Variants in PARD3 observed in about 807,000 individuals in gnomAD.
PARD3 encodes the protein partitioning defective 3 homolog.
A neutral mutation model predicts 155.4 loss-of-function variants in PARD3; 75 were observed. The observed-to-expected ratio is 0.48, with a 90% CI of 0.40 to 0.58. PARD3 has a LOEUF of 0.58. Ranked by LOEUF, PARD3 falls within the 20% of genes least tolerant of loss-of-function variation. The pLI is 0.00. For synonymous variants in PARD3, 576 were observed against 610.5 expected (o/e 0.94, Z 0.83); for missense variants, 1,642 against 1,721.7 (o/e 0.95, Z 0.82).
At chr10:34,729,069 C>T (rs1457038678) in intron 1 of PARD3, among the ~76,000 whole-genome samples, 1 of 152,170 alleles carries the variant, frequency 6.6e-6, no homozygotes, top group African/African-American at 2.4e-5. Context: ...ACCACACAGC[C>T]GAGGTGTGCA....
intron 1 of PARD3, among the ~76,000 whole-genome samples, chr10:34,705,618 ACAGT>A (rs1301263925): frequency 6.6e-6 from 1 of 152,210 alleles, no homozygotes; most frequent in East Asian, 1.9e-4. Context: ...GAGAAGACAG[ACAGT>A]CAGATGTCAT....
chr10:34,260,610 G>T (rs74722925), intron 22 of PARD3, among the ~76,000 whole-genome samples: 5,298 of 152,268 alleles, frequency 0.035, 290 homozygotes, highest in African/African-American at 0.12. Flanking sequence ...TTAGTAGACA[G>T]CCAAGGACAC....
rs562260052 is a variant in PARD3 at position 34,754,699 on chromosome 10, TG to T, written c.121-58281del. Reference sequence around the variant, plus strand: ...TCTGAACAAATTGGACAGGGTGAAATGAAACTATGCCAACCTCCAAAAACTA... The same window carrying T: ...TCTGAACAAATTGGACAGGGTGAAATAAACTATGCCAACCTCCAAAAACTA... On this transcript the variant is annotated intron_variant, in intron 1 of 24. Coordinates refer to ENST00000374788, the MANE Select transcript of PARD3 (RefSeq NM_001184785.2). 3.9e-4 allele frequency among the ~76,000 whole-genome samples: 59 copies of T among 152,314 alleles called. No homozygotes were observed. The East Asian group carries it at 9.1e-3, about 23-fold the overall frequency.
chr10:34,623,979 CA>C (rs767945506), intron 2 of PARD3, among the ~76,000 whole-genome samples: 14,846 of 120,264 alleles, frequency 0.12, 2,273 homozygotes, highest in African/African-American at 0.38. Flanking sequence ...GACTCCGTCT[CA>C]AAAAAAAAAA....
chr10:34,683,367 C>G (rs959703829), intron 2 of PARD3, among the ~76,000 whole-genome samples: 8 of 151,812 alleles, frequency 5.3e-5, no homozygotes, highest in African/African-American at 1.7e-4. Context: ...TATAACTACA[C>G]ATGTATCTCC....
At chr10:34,727,649 T>C (rs2094739050) in intron 1 of PARD3, among the ~76,000 whole-genome samples, 1 of 152,138 alleles carries the variant, frequency 6.6e-6, no homozygotes, top group South Asian at 2.1e-4. Flanking sequence ...TTGAAGCCTT[T>C]AAGGTTTTCT....
chr10:34,460,756 C>G (rs1439583683), intron 4 of PARD3, among the ~76,000 whole-genome samples: 2 of 152,018 alleles, frequency 1.3e-5, no homozygotes, highest in Non-Finnish European at 2.9e-5. Flanking sequence ...TGGCATGAAC[C>G]TGGGAGGCAG....
chr10:34,123,291 T>C (rs1363027265), intron 23 of PARD3, among the ~76,000 whole-genome samples: 4 of 140,890 alleles, frequency 2.8e-5, no homozygotes, highest in Non-Finnish European at 6.3e-5. Context: ...GTGAAAAATA[T>C]GTATTTTTTT....
intron 2 of PARD3, among the ~76,000 whole-genome samples, chr10:34,589,471 A>T (rs1384670788): frequency 6.6e-6 from 1 of 152,042 alleles, no homozygotes; most frequent in Admixed American, 6.6e-5. Flanking sequence ...ACAGACGCAC[A>T]CAGCAGGAGA....
At chr10:34,381,938 A>AAAAG (rs1254829819) in intron 9 of PARD3, among the ~76,000 whole-genome samples, 17 of 133,868 alleles carry the variant, frequency 1.3e-4, no homozygotes, top group African/African-American at 3.1e-4. Flanking sequence ...AAAAAAAAAA[A>AAAAG]AAAGAAAGAA....
rs78455559 is a variant in PARD3, at chr10:34,733,244, T to C, written c.121-36825A>G. 5.3e-3 allele frequency among the ~76,000 whole-genome samples: 810 copies of C among 152,330 alleles called. 8 individuals carry two copies. The highest frequency in any genetic ancestry group is 0.018 in the African/African-American group (730 of 41,574). On this transcript the variant is annotated intron_variant, in intron 1 of 24. Transcript: ENST00000374788. ...CATGACTAACCAAGTGAAGATTAAC[T>C]AGTCATTTCCTGATTACAAATGGAA...
At chr10:34,697,053 C>T (rs2094187732) in intron 1 of PARD3, among the ~76,000 whole-genome samples, 2 of 146,860 alleles carry the variant, frequency 1.4e-5, no homozygotes, top group South Asian at 4.2e-4. Context: ...CACACACACA[C>T]ACCCCCCTCA....
At chr10:34,250,077 A>G (rs906155658) in intron 22 of PARD3, among the ~76,000 whole-genome samples, 5 of 152,150 alleles carry the variant, frequency 3.3e-5, no homozygotes, top group Non-Finnish European at 7.3e-5. Flanking sequence ...AGTCCATCCT[A>G]ATTCTTGGAA....
intron 2 of PARD3, among the ~76,000 whole-genome samples, chr10:34,629,614 T>A (rs748277341): frequency 9.9e-5 from 15 of 152,214 alleles, no homozygotes; most frequent in Admixed American, 2.0e-4. Context: ...CATATGTATG[T>A]ACACAGACTG....
chr10:34,491,364 T>G (rs1441060894), intron 3 of PARD3, among the ~76,000 whole-genome samples: 1 of 152,276 alleles, frequency 6.6e-6, no homozygotes, highest in Non-Finnish European at 1.5e-5. Flanking sequence ...CTGAGGGATT[T>G]CCACTACTTC....
At chr10:34,578,582 A>G (rs768821809) in intron 2 of PARD3, among the ~76,000 whole-genome samples, 10 of 152,262 alleles carry the variant, frequency 6.6e-5, no homozygotes, top group Non-Finnish European at 8.8e-5. Flanking sequence ...TTAACCTGAC[A>G]ACTCAGAGGT....
chr10:34,170,832 T>A (rs1949752969), intron 22 of PARD3, among the ~76,000 whole-genome samples: 1 of 152,244 alleles, frequency 6.6e-6, no homozygotes, highest in East Asian at 1.9e-4. Flanking sequence ...GGTTGCTTTT[T>A]AAAATATTTA....
chr10:34,581,579 G>A (rs116642064), intron 2 of PARD3, among the ~76,000 whole-genome samples: 250 of 152,224 alleles, frequency 1.6e-3, no homozygotes, highest in African/African-American at 5.7e-3. Flanking sequence ...CCATTGCACA[G>A]AGTTATAGAA....
rs569339738 is a variant in PARD3 at position 34,519,589 on chromosome 10, G to A, written c.223-2430C>T. On this transcript the variant is annotated intron_variant, in intron 2 of 24. Coordinates refer to ENST00000374788, the MANE Select transcript of PARD3 (RefSeq NM_001184785.2). ...AGCACTTTGGGAGGCCTAGGCGGGC[G>A]GATCATTTGAGTTCAGGAGTTCAAG... Among the ~76,000 whole-genome samples the A allele has an allele frequency of 3.9e-5, 6 of 152,118 alleles. No individual in the cohort carries two copies. The East Asian group carries it at 7.7e-4, about 20-fold the overall frequency.
Sources: allele counts gnomAD v4.1 joint callset (sites outside exome capture counted in the v4.1 genomes callset), GRCh38; gene constraint gnomAD v4.1.1; transcripts MANE v1.5; gene names NCBI Gene and HGNC (gene_info 2026-07-23, HGNC 2026-07-21).